The following GLRA3 variants were observed in gnomAD, a reference collection of about 807,000 sequenced individuals.
GLRA3 encodes the protein glycine receptor subunit alpha-3.
In GLRA3, 44 loss-of-function variants were observed where a neutral mutation model predicts 60.4. The observed-to-expected ratio is 0.73, with a 90% confidence interval of 0.57 to 0.94. The LOEUF is 0.94. Among genes scored for constraint, GLRA3 ranks in the 40% least tolerant of loss-of-function variants. The probability of loss-of-function intolerance (pLI) is 0.00; values close to 1 mark genes in which losing one functional copy is unlikely to be tolerated. For synonymous variants in GLRA3, 223 were observed against 192.9 expected (o/e 1.16, Z -1.29); for missense variants, 508 against 564.6 (o/e 0.90, Z 1.02).
chr4:174,734,205 A>G (rs1736678342), intron 3 of GLRA3, among the ~76,000 whole-genome samples: 1 of 152,234 alleles, frequency 6.6e-6, no homozygotes, highest in African/African-American at 2.4e-5. Flanking sequence ...AATGAAGCTC[A>G]GACTTCTTAC....
chr4:174,809,263 G>T (rs1740169273), intron 1 of GLRA3, among the ~76,000 whole-genome samples: 1 of 152,146 alleles, frequency 6.6e-6, no homozygotes, highest in African/African-American at 2.4e-5. Context: ...GGAGCCATAG[G>T]CTGTACCACA....
At chr4:174,776,558 G>T (rs751302011) in intron 2 of GLRA3, among the ~76,000 whole-genome samples, 1 of 152,062 alleles carries the variant, frequency 6.6e-6, no homozygotes, top group Non-Finnish European at 1.5e-5. Context: ...TTAGTGCAAA[G>T]GAATCTCGTA....
chr4:174,809,273 A>T (rs1013506525), intron 1 of GLRA3, among the ~76,000 whole-genome samples: 1 of 152,204 alleles, frequency 6.6e-6, no homozygotes, highest in Non-Finnish European at 1.5e-5. Context: ...GCTGTACCAC[A>T]TAGCCTTGGT....
intron 3 of GLRA3, among the ~76,000 whole-genome samples, chr4:174,758,196 A>G (rs1274246054): frequency 6.6e-5 from 10 of 152,294 alleles, no homozygotes; most frequent in Non-Finnish European, 8.8e-5. Context: ...CTTTATAGCA[A>G]TGCAAAACAG....
chr4:174,723,976 G>C (rs1160690275), intron 4 of GLRA3, among the ~76,000 whole-genome samples: 1 of 151,342 alleles, frequency 6.6e-6, no homozygotes, highest in Non-Finnish European at 1.5e-5. Context: ...TAAATTGTTT[G>C]GGGTTCGTCT....
intron 1 of GLRA3, among the ~76,000 whole-genome samples, chr4:174,812,924 G>A (rs1740328859): frequency 1.3e-5 from 2 of 152,176 alleles, no homozygotes; most frequent in South Asian, 4.1e-4. Context: ...AAAGGGTTCA[G>A]ACAGCCTCTA....
chr4:174,687,545 C>T (rs1275943024), intron 5 of GLRA3, among the ~76,000 whole-genome samples: 1 of 152,000 alleles, frequency 6.6e-6, no homozygotes, highest in Non-Finnish European at 1.5e-5. Flanking sequence ...ATTTGGCAGA[C>T]CATTTTCTCA....
At chr4:174,675,406 T>C (rs534938073) in intron 7 of GLRA3, among the ~76,000 whole-genome samples, 1 of 152,260 alleles carries the variant, frequency 6.6e-6, no homozygotes, top group South Asian at 2.1e-4. Flanking sequence ...TCTACTCACA[T>C]TTCCATGCTC....
intron 2 of GLRA3, among the ~76,000 whole-genome samples, chr4:174,785,695 CTG>C (rs778132026): frequency 9.2e-5 from 14 of 152,158 alleles, no homozygotes; most frequent in Admixed American, 1.3e-4. Context: ...AGTTATGTTT[CTG>C]TGTGTTTAGG....
intron 2 of GLRA3, 54 bp downstream of exon 2, chr4:174,788,762 C>A: frequency 1.7e-6 from 2 of 1,205,764 alleles, no homozygotes; most frequent in East Asian, 5.3e-5. Context: ...TAAAACTGTA[C>A]CTTGTTGAAG....
At chr4:174,804,509 G>C (rs1008974914) in intron 1 of GLRA3, among the ~76,000 whole-genome samples, 2 of 152,078 alleles carry the variant, frequency 1.3e-5, no homozygotes, top group Non-Finnish European at 2.9e-5. Flanking sequence ...AACAACCTAA[G>C]AGACATATAA....
At chr4:174,764,447 T>A (rs1225057887) in intron 3 of GLRA3, among the ~76,000 whole-genome samples, 1 of 152,046 alleles carries the variant, frequency 6.6e-6, no homozygotes, top group African/African-American at 2.4e-5. Flanking sequence ...TCATTAATGA[T>A]TACAGATAAT....
At chr4:174,656,014 G>T (rs1446886278) in intron 9 of GLRA3, among the ~76,000 whole-genome samples, 1 of 152,086 alleles carries the variant, frequency 6.6e-6, no homozygotes, top group African/African-American at 2.4e-5. Flanking sequence ...TTAGTAGACA[G>T]AACTATTTGT....
At chr4:174,712,894 TAC>T (rs1425269603) in intron 5 of GLRA3, 4 of 150,324 alleles carry the variant, frequency 2.7e-5, no homozygotes, top group South Asian at 2.1e-4. Flanking sequence ...AGTATATATA[TAC>T]ACACACATAT....
chr4:174,685,741 A>G (rs1400251485), intron 5 of GLRA3, among the ~76,000 whole-genome samples: 1 of 152,128 alleles, frequency 6.6e-6, no homozygotes, highest in Non-Finnish European at 1.5e-5. Flanking sequence ...GAGAAAGTAG[A>G]TGCACATTTC....
chr4:174,820,578 T>C (rs1483716852), intron 1 of GLRA3, among the ~76,000 whole-genome samples: 2 of 152,090 alleles, frequency 1.3e-5, no homozygotes, highest in Non-Finnish European at 2.9e-5. Flanking sequence ...TCACCTAGAC[T>C]TTAGGGAGAC....
chr4:174,776,687 G>T (rs529927181), intron 2 of GLRA3, among the ~76,000 whole-genome samples: 1 of 152,242 alleles, frequency 6.6e-6, no homozygotes, highest in African/African-American at 2.4e-5. Context: ...CATCGTTAGT[G>T]TTGAGGGTGA....
At chr4:174,828,096 T>C (rs1344823245) in intron 1 of GLRA3, among the ~76,000 whole-genome samples, 4 of 152,116 alleles carry the variant, frequency 2.6e-5, no homozygotes, top group Admixed American at 2.6e-4. Flanking sequence ...GATAAGAAAA[T>C]GACATGTCAT....
intron 5 of GLRA3, among the ~76,000 whole-genome samples, chr4:174,706,425 A>C (rs1735524348): frequency 6.6e-6 from 1 of 152,230 alleles, no homozygotes; most frequent in Non-Finnish European, 1.5e-5. Flanking sequence ...TAAGCATTTC[A>C]TTTGACATCA....
Sources: gnomAD v4.1 joint callset for allele counts (sites outside exome capture counted in the v4.1 genomes callset) on GRCh38, gnomAD v4.1.1 for gene constraint, MANE v1.5 for transcripts, NCBI Gene and HGNC (gene_info 2026-07-23, HGNC 2026-07-21) for gene names.